KIAA1328: variants seen among roughly 807,000 people sequenced by gnomAD.
KIAA1328 encodes the protein KIAA1328.
KIAA1328 carries 52 observed loss-of-function variants against 68.1 expected under a neutral mutation model. That is an observed-to-expected ratio of 0.76 (90% CI 0.61 to 0.96). The LOEUF is 0.96. KIAA1328 is among the 40% of genes least tolerant of loss of function. The probability of loss-of-function intolerance (pLI) is 0.00; values close to 1 mark genes in which losing one functional copy is unlikely to be tolerated. For missense variants in KIAA1328, 641 were observed against 677.6 expected (o/e 0.95, Z 0.60); for synonymous variants, 232 against 239.4 (o/e 0.97, Z 0.28).
chr18:36,926,110 C>T (rs901602956), intron 5 of KIAA1328, among the ~76,000 whole-genome samples: 2 of 151,912 alleles, frequency 1.3e-5, no homozygotes, highest in Non-Finnish European at 2.9e-5. Context: ...TTTACTATGA[C>T]GCAAGCTTCT....
chr18:37,059,798 A>G (rs1177377979), intron 6 of KIAA1328, among the ~76,000 whole-genome samples: 1 of 152,222 alleles, frequency 6.6e-6, no homozygotes, highest in Non-Finnish European at 1.5e-5. Flanking sequence ...ACAAATGCCC[A>G]TCAGTGATAG....
intron 5 of KIAA1328, among the ~76,000 whole-genome samples, chr18:36,888,094 T>G (rs564550271): frequency 6.6e-6 from 1 of 152,202 alleles, no homozygotes; most frequent in African/African-American, 2.4e-5. Flanking sequence ...GAATGGTTTC[T>G]TTTGTCAGGC....
intron 5 of KIAA1328, among the ~76,000 whole-genome samples, chr18:36,893,152 T>A (rs1236397043): frequency 6.6e-6 from 1 of 152,130 alleles, no homozygotes; most frequent in Non-Finnish European, 1.5e-5. Flanking sequence ...TGAGTTATAT[T>A]TACACTTTAC....
chr18:37,166,037 A>AC (rs2059383100), intron 8 of KIAA1328, among the ~76,000 whole-genome samples: 1 of 136,122 alleles, frequency 7.3e-6, no homozygotes, highest in African/African-American at 2.7e-5. Context: ...TGGGGTGGTA[A>AC]TTTTTTTTTT....
Position 37,195,220 on chromosome 18 carries a change from G to A in KIAA1328, c.1523+22139G>A, listed in dbSNP as rs77741594. Among the ~76,000 whole-genome samples the A allele has an allele frequency of 7.3e-3, 1,105 of 152,166 alleles. 5 individuals carry two copies. The highest frequency in any genetic ancestry group is 0.012 in the Non-Finnish European group (837 of 68,012). ...TATTCCTCTATCTAACTGCAATTTTGTATCAATTAATAAACTTCTCTTCAT... is the reference window on the plus strand; with the variant it reads ...TATTCCTCTATCTAACTGCAATTTTATATCAATTAATAAACTTCTCTTCAT... On this transcript the variant is annotated intron_variant, in intron 9 of 9. Coordinates refer to ENST00000280020, the MANE Select transcript of KIAA1328 (RefSeq NM_020776.3).
chr18:37,186,918 A>C lies in KIAA1328; in HGVS notation c.1523+13837A>C, dbSNP rs555342674. On this transcript the variant is annotated intron_variant, in intron 9 of 9. Coordinates refer to ENST00000280020, the MANE Select transcript of KIAA1328 (RefSeq NM_020776.3). Reference sequence around the variant, plus strand: ...GCCAGGCATGGTGGCTGACACCTGTAATCCCAGCACTTTGGGAGGCCAAGG... The same window carrying C: ...GCCAGGCATGGTGGCTGACACCTGTCATCCCAGCACTTTGGGAGGCCAAGG... Among the ~76,000 whole-genome samples, 3 of 152,208 alleles carry C rather than the reference A, an allele frequency of 2.0e-5. No homozygotes were observed. The South Asian group carries it at 6.2e-4, about 32-fold the overall frequency.
At chr18:36,848,684 T>C (rs2047115080) in intron 4 of KIAA1328, among the ~76,000 whole-genome samples, 1 of 151,276 alleles carries the variant, frequency 6.6e-6, no homozygotes, top group South Asian at 2.1e-4. Flanking sequence ...ATGTAAGCTG[T>C]ACATTTTTTA....
intron 4 of KIAA1328, among the ~76,000 whole-genome samples, chr18:36,850,908 A>G (rs1170896299): frequency 1.3e-5 from 2 of 151,294 alleles, no homozygotes; most frequent in East Asian, 3.9e-4. Context: ...AAGTGGGAAA[A>G]CTCTCAGTTT....
chr18:37,011,107 C>A (rs1489627945), intron 6 of KIAA1328, among the ~76,000 whole-genome samples: 3 of 152,068 alleles, frequency 2.0e-5, no homozygotes, highest in Admixed American at 6.5e-5. Flanking sequence ...GGCTGAAAAA[C>A]ACCCCTAAAT....
chr18:36,931,991 G>T (rs1200466645), intron 5 of KIAA1328, among the ~76,000 whole-genome samples: 1 of 151,284 alleles, frequency 6.6e-6, no homozygotes, highest in East Asian at 1.9e-4. Flanking sequence ...TATAAAACAG[G>T]TAAACCATAT....
At chr18:36,917,212 T>A (rs898851038) in intron 5 of KIAA1328, among the ~76,000 whole-genome samples, 2 of 152,130 alleles carry the variant, frequency 1.3e-5, no homozygotes, top group Non-Finnish European at 2.9e-5. Context: ...AATGACATAT[T>A]GTAGACAGTT....
intron 6 of KIAA1328, among the ~76,000 whole-genome samples, chr18:36,988,260 A>G (rs952760068): frequency 8.5e-5 from 13 of 152,210 alleles, no homozygotes; most frequent in Non-Finnish European, 1.5e-4. Flanking sequence ...ATGTTTTTAG[A>G]TGAGACATCT....
intron 6 of KIAA1328, among the ~76,000 whole-genome samples, chr18:37,020,785 G>GT (rs1412703776): frequency 6.6e-6 from 1 of 152,180 alleles, no homozygotes; most frequent in Non-Finnish European, 1.5e-5. Flanking sequence ...AATAGTTTGT[G>GT]TATGTCCATG....
At chr18:36,879,072 G>A (rs568410630) in intron 4 of KIAA1328, among the ~76,000 whole-genome samples, 45 of 152,292 alleles carry the variant, frequency 3.0e-4, no homozygotes, top group African/African-American at 9.9e-4. Flanking sequence ...GTGAGGAGTT[G>A]TGATCCTTTG....
intron 6 of KIAA1328, among the ~76,000 whole-genome samples, chr18:37,062,879 C>T (rs1476112052): frequency 6.6e-6 from 1 of 152,072 alleles, no homozygotes; most frequent in East Asian, 1.9e-4. Flanking sequence ...TTTTATAGTG[C>T]CGTGTAACAG....
At chr18:36,916,972 A>G (rs946419063) in intron 5 of KIAA1328, among the ~76,000 whole-genome samples, 4 of 152,004 alleles carry the variant, frequency 2.6e-5, no homozygotes, top group Non-Finnish European at 4.4e-5. Context: ...CCACTATTAA[A>G]AACAAAACAA....
At chr18:37,078,648 C>A (rs1452399778) in intron 7 of KIAA1328, among the ~76,000 whole-genome samples, 5 of 147,592 alleles carry the variant, frequency 3.4e-5, no homozygotes, top group African/African-American at 5.0e-5. Context: ...AAACAAACAA[C>A]CCCATCAAAA....
intron 7 of KIAA1328, among the ~76,000 whole-genome samples, chr18:37,098,889 T>A: frequency 6.6e-6 from 1 of 152,224 alleles, no homozygotes; most frequent in East Asian, 1.9e-4. Flanking sequence ...CCTCTGATTG[T>A]AGTTTGTATT....
At chr18:36,996,520 GAGTTTTTTTTCTTTTTTCCTTAA>G (rs2053397900) in intron 6 of KIAA1328, among the ~76,000 whole-genome samples, 3 of 152,116 alleles carry the variant, frequency 2.0e-5, no homozygotes, top group Non-Finnish European at 4.4e-5. Context: ...GTAAATATTT[GAGTTTTTTTTCTTTTTTCCTTAA>G]AGCTCTGAGA....
Sources: gnomAD v4.1 joint callset for allele counts (sites outside exome capture counted in the v4.1 genomes callset) on GRCh38, gnomAD v4.1.1 for gene constraint, MANE v1.5 for transcripts, NCBI Gene and HGNC (gene_info 2026-07-23, HGNC 2026-07-21) for gene names.